Variants in PLEKHA5 observed in about 807,000 individuals in gnomAD.
PLEKHA5 encodes pleckstrin homology domain containing A5, also known as pleckstrin homology domain-containing family A member 5.
A neutral mutation model predicts 181.9 loss-of-function variants in PLEKHA5; 55 were observed. That is an observed-to-expected ratio of 0.30 (90% CI 0.24 to 0.38). The LOEUF (loss-of-function observed/expected upper bound fraction) is 0.38, where lower values mean the gene tolerates loss of function less well. PLEKHA5 is among the 10% of genes least tolerant of loss of function. The pLI is 1.00. For synonymous variants in PLEKHA5, 535 were observed against 529.4 expected (o/e 1.01, Z -0.15); for missense variants, 1,432 against 1,549.5 (o/e 0.92, Z 1.27).
chr12:19,315,501 G>A (rs551709594), intron 16 of PLEKHA5, among the ~76,000 whole-genome samples: 218 of 152,194 alleles, frequency 1.4e-3, no homozygotes, highest in African/African-American at 5.0e-3. Context: ...TGTGTGTCAT[G>A]GAGTTGGCTG....
At chr12:19,307,471 C>A in intron 15 of PLEKHA5, 2 of 272,438 alleles carry the variant, frequency 7.3e-6, no homozygotes, top group South Asian at 5.1e-5. Context: ...AAACTCTTGG[C>A]TCAAAAAAAA....
intron 20 of PLEKHA5, among the ~76,000 whole-genome samples, chr12:19,334,829 A>AAAAAAATATATAT: frequency 1.1e-4 from 2 of 18,608 alleles, no homozygotes; most frequent in African/African-American, 2.4e-4. Context: ...AAAAAAAAAA[A>AAAAAAATATATAT]ATATATATAT....
chr12:19,165,601 G>T (rs2044163967), intron 3 of PLEKHA5, among the ~76,000 whole-genome samples: 1 of 152,128 alleles, frequency 6.6e-6, no homozygotes, highest in Non-Finnish European at 1.5e-5. Flanking sequence ...TTGACATTCA[G>T]AGGTGAGGTC....
At position 19,199,646 on chromosome 12, in the gene PLEKHA5, CTT is replaced by C. The variant is rs1336837839; in HGVS notation, c.228-54292_228-54291del. ...GTAAATATTTGTACTGCAAGATACT[CTT>C]TGTTGAGATACCAAGTCCCAGCAAA... is the stretch of plus-strand genomic sequence containing the variant. On this transcript the variant is annotated intron_variant, in intron 3 of 31. Transcript: ENST00000429027. 2.6e-5 allele frequency among the ~76,000 whole-genome samples: 4 copies of C among 152,146 alleles called. No homozygotes were observed. In the East Asian group the frequency reaches 5.8e-4, roughly 22 times the overall value.
At chr12:19,366,239 C>T in intron 30 of PLEKHA5, 130 bp downstream of exon 30, 2 of 714,784 alleles carry the variant, frequency 2.8e-6, no homozygotes, top group Non-Finnish European at 4.7e-6. Context: ...ACGTTTGCCT[C>T]CCCAAGTGTA....
intron 31 of PLEKHA5, chr12:19,371,444 C>T (rs1467546219): frequency 6.6e-6 from 1 of 152,658 alleles, no homozygotes; most frequent in Non-Finnish European, 1.5e-5. Flanking sequence ...ATGTTGTACC[C>T]AATCCTTCAC....
chr12:19,346,546 G>T (rs2094344178), intron 23 of PLEKHA5, among the ~76,000 whole-genome samples: 2 of 152,090 alleles, frequency 1.3e-5, no homozygotes, highest in Admixed American at 1.3e-4. Flanking sequence ...TGAGCCAGGA[G>T]GATCCCTTGA....
At chr12:19,288,094 A>AAG (rs1565571121) in intron 13 of PLEKHA5, 44 of 330,066 alleles carry the variant, frequency 1.3e-4, no homozygotes, top group South Asian at 7.0e-4. Context: ...AAAAAAAAAA[A>AAG]AAAGAAACTT....
intron 3 of PLEKHA5, among the ~76,000 whole-genome samples, chr12:19,203,091 A>G (rs1346436501): frequency 6.6e-6 from 1 of 152,134 alleles, no homozygotes; most frequent in Non-Finnish European, 1.5e-5. Flanking sequence ...TAAAGGATAT[A>G]TGTAATTACA....
intron 3 of PLEKHA5, among the ~76,000 whole-genome samples, chr12:19,253,156 C>A (rs1325787857): frequency 7.1e-6 from 1 of 140,014 alleles, no homozygotes; most frequent in Non-Finnish European, 1.5e-5. Flanking sequence ...CTCACTGCAA[C>A]CTCCATCACC....
intron 3 of PLEKHA5, among the ~76,000 whole-genome samples, chr12:19,187,923 G>A (rs924353841): frequency 6.6e-6 from 1 of 152,136 alleles, no homozygotes; most frequent in African/African-American, 2.4e-5. Flanking sequence ...CTGATAGAGT[G>A]CCTAGTAAGT....
chr12:19,315,816 T>C (rs908774717), intron 16 of PLEKHA5, among the ~76,000 whole-genome samples: 1 of 152,178 alleles, frequency 6.6e-6, no homozygotes, highest in African/African-American at 2.4e-5. Context: ...TTTGGTTCAG[T>C]TGCCATGGGA....
chr12:19,254,985 T>G, intron 4 of PLEKHA5, 60 bp from the exon 5 acceptor site: 1 of 1,458,950 alleles, frequency 6.9e-7, no homozygotes, highest in Non-Finnish European at 9.3e-7. Context: ...TGTAGAGAAG[T>G]GTAATTATAA....
chr12:19,369,720 C>T lies in PLEKHA5; in HGVS notation c.3782C>T (p.Ser1261Phe), dbSNP rs2153311659. 1 of 1,612,224 alleles carries T rather than the reference C, an allele frequency of 6.2e-7. No individual in the cohort carries two copies. Among genetic ancestry groups the T allele is most frequent in the Non-Finnish European group, 8.5e-7 (1 of 1,178,992 alleles). The change falls in exon 31 of 32, where the codon TCC (serine) becomes TTC (phenylalanine). Residue 1261 changes from serine to phenylalanine, a missense_variant. Physicochemically the swap from Ser to Phe is radical, Grantham distance 155. Coordinates refer to ENST00000429027, the MANE Select transcript of PLEKHA5 (RefSeq NM_001256470.2). ...AAAAGTCTGTCCCCATCTCCTGAGT[C>T]CTCGGCATCGCCAGTTCCATCCACT... ...AVKSLSPSPE[S>F]SASPVPSTQP...
At chr12:19,259,787 ATTTT>A (rs34120370) in intron 6 of PLEKHA5, among the ~76,000 whole-genome samples, 4 of 137,720 alleles carry the variant, frequency 2.9e-5, no homozygotes, top group East Asian at 2.1e-4. Context: ...TTGCCATTTA[ATTTT>A]TTTTTTTTTT....
At chr12:19,267,563 G>A (rs535431926) in intron 8 of PLEKHA5, among the ~76,000 whole-genome samples, 2 of 152,254 alleles carry the variant, frequency 1.3e-5, no homozygotes, top group South Asian at 2.1e-4. Flanking sequence ...GGGAGGCTGA[G>A]GTGGGAGAAT....
intron 3 of PLEKHA5, among the ~76,000 whole-genome samples, chr12:19,160,679 A>G (rs1279414105): frequency 2.6e-5 from 4 of 152,056 alleles, no homozygotes; most frequent in Non-Finnish European, 5.9e-5. Context: ...CTTTTTAGTT[A>G]TTATTAGAAA....
At chr12:19,281,789 G>GTTC (rs1211779359) in intron 11 of PLEKHA5, among the ~76,000 whole-genome samples, 1 of 151,588 alleles carries the variant, frequency 6.6e-6, no homozygotes, top group Non-Finnish European at 1.5e-5. Context: ...TGTTGTTGTT[G>GTTC]TTGTTGTTTT....
chr12:19,303,165 A>G (rs368215147), intron 15 of PLEKHA5, among the ~76,000 whole-genome samples: 3 of 151,378 alleles, frequency 2.0e-5, no homozygotes, highest in African/African-American at 7.3e-5. Context: ...CAGGTGATCC[A>G]CCCACCTCAG....
Sources: allele counts gnomAD v4.1 joint callset (sites outside exome capture counted in the v4.1 genomes callset), GRCh38; gene constraint gnomAD v4.1.1; transcripts MANE v1.5; gene names NCBI Gene and HGNC (gene_info 2026-07-23, HGNC 2026-07-21).